STIP1: variants seen among roughly 807,000 people sequenced by gnomAD.
The protein encoded by STIP1 is stress induced phosphoprotein 1.
STIP1 carries 16 observed loss-of-function variants against 77.4 expected under a neutral mutation model. The ratio of observed to expected loss-of-function variants is 0.21; its 90% CI spans 0.14 to 0.31. The LOEUF is 0.31. Among genes scored for constraint, STIP1 ranks in the 10% least tolerant of loss-of-function variants. The probability of loss-of-function intolerance (pLI) is 1.00; values close to 1 mark genes in which losing one functional copy is unlikely to be tolerated. For missense variants in STIP1, 524 were observed against 684.8 expected (o/e 0.77, Z 2.62); for synonymous variants, 258 against 246.6 (o/e 1.05, Z -0.44).
Position 64,203,206 on chromosome 11 carries a change from T to C in STIP1, c.1364T>C (p.Leu455Pro). The stretch of plus-strand genomic sequence containing the variant: ...GCCATGGATGTGTACCAGAAGGCGC[T>C]AGACCTGGACTCCAGCTGTAAGGTG... Reference protein sequence around the residue: ...TKAMDVYQKALDLDSSCKEAA... With the variant: ...TKAMDVYQKAPDLDSSCKEAA... Residue 455 changes from leucine (L) to proline (P), a missense_variant, in exon 12 of 14, where the codon CTA becomes CCA. Transcript: ENST00000305218. The C allele has an allele frequency of 6.2e-7, 1 of 1,614,104 alleles. No individual in the cohort carries two copies. The highest frequency in any genetic ancestry group is 8.5e-7 in the Non-Finnish European group (1 of 1,180,048).
chr11:64,189,231 C>A (rs375339389), intron 1 of STIP1, among the ~76,000 whole-genome samples: 1 of 152,064 alleles, frequency 6.6e-6, no homozygotes, highest in Non-Finnish European at 1.5e-5. Flanking sequence ...TGTGGTGGCA[C>A]GCGCCTGTAG....
intron 1 of STIP1, 22 bp from the exon 2 acceptor site, chr11:64,193,056 C>A: frequency 2.5e-6 from 4 of 1,609,268 alleles, no homozygotes; most frequent in Non-Finnish European, 3.4e-6. Context: ...CATAGAGAAG[C>A]TGTGTGTTCC....
At position 64,203,512 on chromosome 11, in the gene STIP1, A is replaced by G. The variant is rs1946244828; in HGVS notation, c.1449A>G (p.Glu483=). The change falls in exon 13 of 14, where the codon GAA becomes GAG. Residue 483 remains glutamate (E), a synonymous_variant. Coordinates refer to ENST00000305218, the MANE Select transcript of STIP1 (RefSeq NM_006819.3). ...AGTACAACCGGCACGACAGCCCCGA[A>G]GATGTGAAGCGACGAGCCATGGCCG... ...MAQYNRHDSP[E]DVKRRAMADP... is the part of the protein sequence containing the mutation. The G allele has an allele frequency of 6.2e-7, 1 of 1,614,098 alleles. No homozygotes were observed. The highest frequency in any genetic ancestry group is 8.5e-7 in the Non-Finnish European group (1 of 1,180,026).
rs770319432 is a variant in STIP1, at chr11:64,194,502, A to G, written c.385A>G (p.Asn129Asp). The G allele has an allele frequency of 9.3e-6, 15 of 1,614,180 alleles. No homozygotes were observed. Among genetic ancestry groups the G allele is most frequent in the Non-Finnish European group, 1.3e-5 (15 of 1,180,030 alleles). ...AGAGAGAAAATTCATGAACCCTTTC[A>G]ACATGCCTAATCTGTATCAGAAGTT... ...LAERKFMNPFNMPNLYQKLES... is the reference protein window; with the variant it reads ...LAERKFMNPFDMPNLYQKLES... Residue 129 changes from asparagine (N) to aspartate (D), a missense_variant, in exon 4 of 14, where the codon AAC becomes GAC. Asn to Asp is a conservative substitution (Grantham distance 23). Coordinates refer to ENST00000305218, the MANE Select transcript of STIP1 (RefSeq NM_006819.3).
At chr11:64,191,456 A>AT (rs1397900276) in intron 1 of STIP1, among the ~76,000 whole-genome samples, 2 of 151,528 alleles carry the variant, frequency 1.3e-5, no homozygotes, top group African/African-American at 4.9e-5. Context: ...AAATACAAAA[A>AT]TTAGCTGGGC....
chr11:64,193,042 ACAT>A, intron 1 of STIP1, 33 bp from the exon 2 acceptor site: 1 of 1,600,558 alleles, frequency 6.2e-7, no homozygotes, highest in Non-Finnish European at 8.6e-7. Context: ...TTAAATGGGC[ACAT>A]CATAGAGAAG....
At chr11:64,188,278 A>G (rs1483680057) in intron 1 of STIP1, among the ~76,000 whole-genome samples, 1 of 149,730 alleles carries the variant, frequency 6.7e-6, no homozygotes, top group African/African-American at 2.5e-5. Flanking sequence ...CGGGAGGCGT[A>G]GGTTGCAGTG....
intron 13 of STIP1, 104 bp from the exon 14 acceptor site, chr11:64,203,950 C>T (rs1332604017): frequency 2.2e-6 from 3 of 1,389,570 alleles, no homozygotes; most frequent in Admixed American, 1.8e-5. Context: ...AGGACCCCTC[C>T]CTGCCGGGGC....
intron 4 of STIP1, 53 bp downstream of exon 4, chr11:64,194,673 C>T: frequency 1.3e-6 from 2 of 1,594,436 alleles, no homozygotes; most frequent in East Asian, 2.3e-5. Flanking sequence ...GTTATGCTTT[C>T]TTCCTGTAAC....
chr11:64,201,221 A>G (rs1946216838), intron 10 of STIP1, among the ~76,000 whole-genome samples: 2 of 151,970 alleles, frequency 1.3e-5, no homozygotes, highest in African/African-American at 4.8e-5. Context: ...TGTATTTTTT[A>G]TAGAGACAGG....
In STIP1 at chr11:64,200,165, C is replaced by T. The variant is rs773372201; in HGVS notation, c.1121-4C>T. The T allele has an allele frequency of 1.2e-6, 2 of 1,610,992 alleles. No individual in the cohort carries two copies. Among genetic ancestry groups the T allele is most frequent in the Non-Finnish European group, 1.7e-6 (2 of 1,178,632 alleles). ...AAAAGACAGTCTTTGTTTTTCTTCC[C>T]CAGGGGACTATCCCCAGGCCATGAA... is the stretch of plus-strand genomic sequence containing the variant. On this transcript the variant is annotated splice_region_variant and splice_polypyrimidine_tract_variant and intron_variant, in intron 9 of 13. Transcript: ENST00000305218.
upstream of STIP1, chr11:64,185,359 GGGCCCGCCGC>G (rs1453719892): frequency 5.8e-6 from 1 of 173,710 alleles, no homozygotes; most frequent in African/African-American, 2.4e-5. Flanking sequence ...CGGGACAGCC[GGGCCCGCCGC>G]GGTGAGATCC....
In STIP1 at chr11:64,190,003, C is replaced by CTTT. The variant is rs757338090; in HGVS notation, c.10-3063_10-3061dup. Among the ~76,000 whole-genome samples, 313 of 146,442 alleles carry CTTT rather than the reference C, an allele frequency of 2.1e-3. 1 individual carries two copies. The highest frequency in any genetic ancestry group is 7.6e-3 in the African/African-American group (303 of 39,858). On this transcript the variant is annotated intron_variant, in intron 1 of 13. Transcript: ENST00000305218. ...TTGAGGATTCCAAAATCATTTCTCTCTTTTTTTTTTTTTTCCAAATAGAGT... is the reference window on the plus strand; with the variant it reads ...TTGAGGATTCCAAAATCATTTCTCTCTTTTTTTTTTTTTTTTTCCAAATAGAGT...
At chr11:64,188,184 T>C (rs1385138356) in intron 1 of STIP1, among the ~76,000 whole-genome samples, 1 of 151,808 alleles carries the variant, frequency 6.6e-6, no homozygotes, top group African/African-American at 2.4e-5. Context: ...CCCTCTCTAC[T>C]AAAAGTACAA....
At position 64,197,417 on chromosome 11, in the gene STIP1, G is replaced by T; in HGVS notation, c.799+20G>T. 6.2e-7 allele frequency: 1 copy of T among 1,614,042 alleles called. No homozygotes were observed. The highest frequency in any genetic ancestry group is 8.5e-7 in the Non-Finnish European group (1 of 1,180,020). Reference sequence around the variant, plus strand: ...AAGCAGGTGAGGCCCAGAAACAAGGGGCAAGGGAATTGTTGGGTGTCTCTG... The same window carrying T: ...AAGCAGGTGAGGCCCAGAAACAAGGTGCAAGGGAATTGTTGGGTGTCTCTG... On this transcript the variant is annotated intron_variant, in intron 6 of 13. Coordinates refer to ENST00000305218, the MANE Select transcript of STIP1 (RefSeq NM_006819.3).
Position 64,195,756 on chromosome 11 carries a change from C to G in STIP1, c.615C>G (p.Pro205=), listed in dbSNP as rs139024494. The part of the protein sequence containing the change: ...EIATPPPPPP[P]KKETKPEPME... ...CAACACCTCCACCACCACCCCCTCC[C>G]AAAAAGGAGACCAAGCCAGAGCCAA... is the stretch of plus-strand genomic sequence containing the variant. Residue 205 remains proline (P), a synonymous_variant, in exon 5 of 14, where the codon CCC becomes CCG. Coordinates refer to ENST00000305218, the MANE Select transcript of STIP1 (RefSeq NM_006819.3). 48 of 1,613,962 alleles carry G rather than the reference C, an allele frequency of 3.0e-5. No individual in the cohort carries two copies. The highest frequency in any genetic ancestry group is 3.8e-5 in the Non-Finnish European group (45 of 1,180,016).
intron 1 of STIP1, 142 bp from the exon 2 acceptor site, chr11:64,192,936 T>C: frequency 1.2e-6 from 1 of 823,626 alleles, no homozygotes; most frequent in Non-Finnish European, 1.9e-6. Flanking sequence ...AGAAATTAAA[T>C]AAATGAACCG....
intron 5 of STIP1, 93 bp from the exon 6 acceptor site, chr11:64,197,178 T>G (rs1336996921): frequency 3.9e-6 from 6 of 1,530,454 alleles, no homozygotes; most frequent in Non-Finnish European, 4.4e-6. Flanking sequence ...TCTATTCATG[T>G]TAGTTGCATT....
chr11:64,189,915 C>T (rs938658423), intron 1 of STIP1, among the ~76,000 whole-genome samples: 7 of 152,054 alleles, frequency 4.6e-5, no homozygotes, highest in African/African-American at 1.7e-4. Flanking sequence ...CTTAATTTGG[C>T]AGGTTCCTTC....
Sources: allele counts gnomAD v4.1 joint callset (sites outside exome capture counted in the v4.1 genomes callset), GRCh38; gene constraint gnomAD v4.1.1; transcripts MANE v1.5; gene names NCBI Gene and HGNC (gene_info 2026-07-23, HGNC 2026-07-21).